Variants in GRID2 observed in about 807,000 individuals in gnomAD.
GRID2 encodes the protein glutamate ionotropic receptor delta type subunit 2.
A neutral mutation model predicts 114.8 loss-of-function variants in GRID2; 33 were observed. The observed-to-expected ratio is 0.29, with a 90% confidence interval of 0.22 to 0.38. The LOEUF is 0.38. GRID2 is among the 10% of genes least tolerant of loss of function. The pLI is 1.00. For missense variants in GRID2, 1,184 were observed against 1,257.7 expected, an observed-to-expected ratio of 0.94 and a Z score of 0.89; for synonymous variants, 505 against 449.9, an observed-to-expected ratio of 1.12 and a Z score of -1.55.
At position 93,216,888 on chromosome 4, in the gene GRID2, G is replaced by A; in HGVS notation, c.940G>A (p.Asp314Asn). 1.2e-6 allele frequency: 2 copies of A among 1,612,648 alleles called. No individual in the cohort carries two copies. Among genetic ancestry groups the A allele is most frequent in the East Asian group, 4.5e-5 (2 of 44,856 alleles). Residue 314 changes from aspartate (D) to asparagine (N), a missense_variant, in exon 6 of 16, where the codon GAT becomes AAT. Asp to Asn is a conservative substitution (Grantham distance 23, BLOSUM62 1). Transcript: ENST00000282020. ...RISSTLCDPKDPFAQNMEISN... is the reference protein window; with the variant it reads ...RISSTLCDPKNPFAQNMEISN... ...ATCTTCAACATTGTGTGATCCAAAG[G>A]ATCCATTTGCTCAGAATATGGAGGT...
chr4:92,640,375 T>C (rs946733349), intron 2 of GRID2, among the ~76,000 whole-genome samples: 2 of 151,870 alleles, frequency 1.3e-5, no homozygotes, highest in African/African-American at 4.8e-5. Context: ...CATTTTTAGA[T>C]GTATTTATCA....
chr4:93,289,138 A>G (rs1397288831), intron 8 of GRID2, among the ~76,000 whole-genome samples: 1 of 152,208 alleles, frequency 6.6e-6, no homozygotes, highest in Non-Finnish European at 1.5e-5. Context: ...ATGATCCTGC[A>G]GTGTTTTGTA....
intron 2 of GRID2, among the ~76,000 whole-genome samples, chr4:92,769,805 G>A (rs1738451713): frequency 6.6e-6 from 1 of 152,124 alleles, no homozygotes; most frequent in South Asian, 2.1e-4. Flanking sequence ...ATAGCACAGG[G>A]ACCCAGGGCC....
intron 2 of GRID2, among the ~76,000 whole-genome samples, chr4:92,725,912 G>A (rs905205324): frequency 1.3e-5 from 2 of 152,058 alleles, no homozygotes; most frequent in Non-Finnish European, 2.9e-5. Context: ...ATAAAAAGCG[G>A]AAGTAAGCAC....
At chr4:93,471,756 A>G (rs1425957483) in intron 11 of GRID2, among the ~76,000 whole-genome samples, 1 of 71,452 alleles carries the variant, frequency 1.4e-5, no homozygotes, top group African/African-American at 6.4e-5. Flanking sequence ...GCTGGAGTGC[A>G]ATGGCGTGAT....
chr4:92,379,623 A>C (rs1199049392), intron 1 of GRID2, among the ~76,000 whole-genome samples: 1 of 151,960 alleles, frequency 6.6e-6, no homozygotes. Flanking sequence ...AAACTAGATC[A>C]GTTGCAAAAT....
At chr4:92,420,098 A>G (rs1252869909) in intron 1 of GRID2, among the ~76,000 whole-genome samples, 3 of 152,108 alleles carry the variant, frequency 2.0e-5, no homozygotes, top group Non-Finnish European at 4.4e-5. Context: ...CTTTTAAAAA[A>G]TTGGTTTCAC....
At chr4:92,410,476 C>T (rs1323983819) in intron 1 of GRID2, among the ~76,000 whole-genome samples, 1 of 152,166 alleles carries the variant, frequency 6.6e-6, no homozygotes, top group Non-Finnish European at 1.5e-5. Context: ...CTCCAGATAC[C>T]ATTCTGTGCA....
At chr4:93,283,994 A>G (rs1752901346) in intron 8 of GRID2, among the ~76,000 whole-genome samples, 1 of 152,100 alleles carries the variant, frequency 6.6e-6, no homozygotes, top group Admixed American at 6.6e-5. Flanking sequence ...AAGATTTTAT[A>G]GTTAGGTTTC....
chr4:92,772,220 G>A (rs1193150075), intron 2 of GRID2, among the ~76,000 whole-genome samples: 1 of 152,072 alleles, frequency 6.6e-6, no homozygotes, highest in East Asian at 1.9e-4. Context: ...CTTCTTTCTA[G>A]CCTTTACTAT....
chr4:93,429,778 A>G (rs1769224980), intron 10 of GRID2, among the ~76,000 whole-genome samples: 1 of 152,232 alleles, frequency 6.6e-6, no homozygotes, highest in Non-Finnish European at 1.5e-5. Flanking sequence ...TGATGTTTCC[A>G]TGTTAAAATA....
chr4:92,888,838 C>T (rs182774152), intron 2 of GRID2, among the ~76,000 whole-genome samples: 72 of 149,856 alleles, frequency 4.8e-4, no homozygotes, highest in African/African-American at 1.6e-3. Flanking sequence ...GCAAATAAAG[C>T]GGACATTTTT....
chr4:92,443,484 G>C (rs192298259), intron 1 of GRID2, among the ~76,000 whole-genome samples: 1 of 152,028 alleles, frequency 6.6e-6, no homozygotes, highest in African/African-American at 2.4e-5. Context: ...GTAGAGAAAC[G>C]GAGGGAAGGG....
chr4:93,405,290 T>G (rs896918818), intron 9 of GRID2, among the ~76,000 whole-genome samples: 16 of 152,154 alleles, frequency 1.1e-4, no homozygotes, highest in African/African-American at 3.6e-4. Flanking sequence ...TGTGTTCACT[T>G]CAGCGCTCAC....
intron 14 of GRID2, among the ~76,000 whole-genome samples, chr4:93,720,624 C>T (rs1729283836): frequency 6.6e-6 from 1 of 152,170 alleles, no homozygotes; most frequent in African/African-American, 2.4e-5. Context: ...TAAATGGACC[C>T]TGCTTGCAAG....
chr4:93,589,321 C>T (rs921925237), intron 13 of GRID2, among the ~76,000 whole-genome samples: 3 of 150,766 alleles, frequency 2.0e-5, no homozygotes, highest in Admixed American at 6.6e-5. Flanking sequence ...TTTGTTCTTG[C>T]GATAGTTTAC....
intron 4 of GRID2, among the ~76,000 whole-genome samples, chr4:93,153,313 C>T (rs1736892401): frequency 6.6e-6 from 1 of 152,004 alleles, no homozygotes; most frequent in Non-Finnish European, 1.5e-5. Context: ...TGGCCAAAGT[C>T]AAATGGAGCA....
intron 2 of GRID2, among the ~76,000 whole-genome samples, chr4:92,800,485 A>G (rs1740099303): frequency 6.6e-6 from 1 of 152,010 alleles, no homozygotes; most frequent in Non-Finnish European, 1.5e-5. Flanking sequence ...GAAATAAAAT[A>G]GCACATATAT....
At chr4:93,531,071 A>C (rs1315560004) in intron 13 of GRID2, among the ~76,000 whole-genome samples, 9 of 152,130 alleles carry the variant, frequency 5.9e-5, no homozygotes, top group Admixed American at 2.0e-4. Context: ...TTGATTAGGG[A>C]AGGATGCCAT....
Sources: allele counts gnomAD v4.1 joint callset (sites outside exome capture counted in the v4.1 genomes callset), GRCh38; gene constraint gnomAD v4.1.1; transcripts MANE v1.5; gene names NCBI Gene and HGNC (gene_info 2026-07-23, HGNC 2026-07-21).